GLT1D1: variants seen among roughly 807,000 people sequenced by gnomAD.
GLT1D1 encodes the protein glycosyltransferase 1 domain-containing protein 1.
GLT1D1 carries 21 observed loss-of-function variants against 28.7 expected under a neutral mutation model. The ratio of observed to expected loss-of-function variants is 0.73; its 90% CI spans 0.52 to 1.05. The LOEUF (loss-of-function observed/expected upper bound fraction) is 1.05, where lower values mean the gene tolerates loss of function less well. Ranked by LOEUF, GLT1D1 falls within the 50% of genes least tolerant of loss-of-function variation. The pLI is 0.00. For synonymous variants in GLT1D1, 147 were observed against 124.8 expected, an observed-to-expected ratio of 1.18 and a Z score of -1.19; for missense variants, 343 against 330.6, an observed-to-expected ratio of 1.04 and a Z score of -0.29.
In GLT1D1 at chr12:128,876,040, T is replaced by G; in HGVS notation, c.195T>G (p.Tyr65Ter). 6.2e-7 allele frequency: 1 copy of G among 1,607,828 alleles called. No individual in the cohort carries two copies. The highest frequency in any genetic ancestry group is 8.5e-7 in the Non-Finnish European group (1 of 1,178,172). ...AGGCTGCCCTGGCTCTTCATCTCTATAGGGGAGGCAGGCTTTTGCAAGGTA... is the reference window on the plus strand; with the variant it reads ...AGGCTGCCCTGGCTCTTCATCTCTAGAGGGGAGGCAGGCTTTTGCAAGGTA... The change falls in exon 2 of 8, where the codon TAT (tyrosine) becomes TAG (stop). Residue 65 changes from tyrosine (Y) to a stop codon, truncating the protein, a stop_gained. Transcript: ENST00000281703. LOFTEE classifies it high-confidence loss of function.
intron 4 of GLT1D1, among the ~76,000 whole-genome samples, chr12:128,902,195 A>C (rs1384375003): frequency 6.6e-6 from 1 of 151,496 alleles, no homozygotes; most frequent in Non-Finnish European, 1.5e-5. Flanking sequence ...CTGAGTATGA[A>C]AAGTTCGGCC....
At chr12:128,908,950 A>AAAATAAATAAAT (rs377518306) in intron 4 of GLT1D1, among the ~76,000 whole-genome samples, 15 of 151,078 alleles carry the variant, frequency 9.9e-5, no homozygotes, top group African/African-American at 3.7e-4. Context: ...CTCCGTCTCA[A>AAAATAAATAAAT]AAATAAATAA....
At chr12:128,965,069 C>T (rs1029233560) in intron 7 of GLT1D1, among the ~76,000 whole-genome samples, 3 of 152,132 alleles carry the variant, frequency 2.0e-5, no homozygotes, top group Admixed American at 6.5e-5. Context: ...TCCTGGTGTT[C>T]GGCTGTTATG....
At chr12:128,940,777 C>T (rs1344008622) in intron 4 of GLT1D1, among the ~76,000 whole-genome samples, 1 of 152,104 alleles carries the variant, frequency 6.6e-6, no homozygotes, top group African/African-American at 2.4e-5. Flanking sequence ...GAAAAGGCTG[C>T]CCCTGGCCTT....
intron 4 of GLT1D1, among the ~76,000 whole-genome samples, chr12:128,933,296 C>T (rs866970150): frequency 2.0e-4 from 31 of 152,396 alleles, no homozygotes; most frequent in African/African-American, 7.0e-4. Context: ...CGTGCGCAGG[C>T]GGAGCCGAGT....
At chr12:128,904,323 T>C (rs71464420) in intron 4 of GLT1D1, among the ~76,000 whole-genome samples, 6,486 of 151,942 alleles carry the variant, frequency 0.043, 265 homozygotes, top group Middle Eastern at 0.088. Flanking sequence ...CAGGTAACTT[T>C]TGTATTGGCA....
intron 4 of GLT1D1, among the ~76,000 whole-genome samples, chr12:128,925,718 T>C (rs1873134815): frequency 1.3e-5 from 2 of 152,330 alleles, no homozygotes; most frequent in Admixed American, 6.5e-5. Flanking sequence ...ATTCTTCCTA[T>C]CTAGAATTGC....
intron 2 of GLT1D1, among the ~76,000 whole-genome samples, chr12:128,877,941 C>T (rs1004737944): frequency 1.1e-4 from 17 of 152,212 alleles, no homozygotes; most frequent in Non-Finnish European, 1.5e-5. Flanking sequence ...TGGGAGGTCT[C>T]AGTTCCTTAC....
chr12:128,931,976 T>C (rs1352475560), intron 4 of GLT1D1, among the ~76,000 whole-genome samples: 1 of 152,086 alleles, frequency 6.6e-6, no homozygotes, highest in East Asian at 1.9e-4. Context: ...AATGCATCTC[T>C]GTATTTTCTT....
At chr12:128,871,532 T>C (rs528167140) in intron 1 of GLT1D1, among the ~76,000 whole-genome samples, 1 of 152,278 alleles carries the variant, frequency 6.6e-6, no homozygotes, top group South Asian at 2.1e-4. Context: ...CTTTACGTTA[T>C]GAAAAAGAAA....
chr12:128,914,101 A>G (rs948313584), intron 4 of GLT1D1, among the ~76,000 whole-genome samples: 5 of 152,230 alleles, frequency 3.3e-5, no homozygotes, highest in African/African-American at 1.2e-4. Flanking sequence ...TTCTGTTACC[A>G]AGATAACGTG....
intron 6 of GLT1D1, among the ~76,000 whole-genome samples, chr12:128,947,955 T>A (rs557169082): frequency 1.2e-4 from 19 of 152,274 alleles, no homozygotes; most frequent in Middle Eastern, 6.8e-3. Context: ...CCAGGGTGGA[T>A]CTGATCTCTT....
chr12:128,901,628 G>C (rs1870280570), intron 4 of GLT1D1, among the ~76,000 whole-genome samples: 1 of 150,638 alleles, frequency 6.6e-6, no homozygotes, highest in African/African-American at 2.5e-5. Flanking sequence ...GTAGAAACGG[G>C]GTTTCACCAT....
intron 5 of GLT1D1, 84 bp from the exon 10 acceptor site, chr12:128,947,254 C>A: frequency 3.9e-6 from 6 of 1,522,088 alleles, no homozygotes; most frequent in South Asian, 3.4e-5. Context: ...GAGTATTACA[C>A]CCAAATTGTC....
intron 5 of GLT1D1, 97 bp from the exon 10 acceptor site, chr12:128,947,241 C>A (rs1876221097): frequency 1.4e-6 from 2 of 1,391,922 alleles, no homozygotes; most frequent in Non-Finnish European, 2.0e-6. Context: ...ACTTGCTGAT[C>A]TAGAGTATTA....
chr12:128,907,336 C>G (rs988853555), intron 4 of GLT1D1, among the ~76,000 whole-genome samples: 1 of 143,182 alleles, frequency 7.0e-6, no homozygotes, highest in South Asian at 2.2e-4. Flanking sequence ...GACCGAGTCT[C>G]GCTTTGTTGC....
At chr12:128,895,911 G>A (rs988650055) in intron 3 of GLT1D1, among the ~76,000 whole-genome samples, 2 of 152,168 alleles carry the variant, frequency 1.3e-5, no homozygotes, top group Non-Finnish European at 2.9e-5. Context: ...TGGCCAGTTC[G>A]ATGAAACGGA....
intron 3 of GLT1D1, among the ~76,000 whole-genome samples, chr12:128,897,826 G>A (rs1264942113): frequency 1.3e-5 from 2 of 151,912 alleles, no homozygotes; most frequent in Non-Finnish European, 2.9e-5. Flanking sequence ...CCGCCACCAT[G>A]CCCGGCTAAT....
intron 1 of GLT1D1, among the ~76,000 whole-genome samples, chr12:128,872,828 T>C (rs1237835701): frequency 2.0e-5 from 3 of 152,154 alleles, no homozygotes; most frequent in Admixed American, 2.0e-4. Context: ...TATCCAACAA[T>C]ACAAAAGCTC....
Sources: gnomAD v4.1 joint callset for allele counts (sites outside exome capture counted in the v4.1 genomes callset) on GRCh38, gnomAD v4.1.1 for gene constraint, MANE v1.5 for transcripts, NCBI Gene and HGNC (gene_info 2026-07-23, HGNC 2026-07-21) for gene names.